Variants in HECW1 observed in about 807,000 individuals in gnomAD.
HECW1 encodes the protein E3 ubiquitin-protein ligase HECW1.
HECW1 carries 61 observed loss-of-function variants against 182.3 expected under a neutral mutation model. The observed-to-expected ratio is 0.33, with a 90% CI of 0.27 to 0.41. The LOEUF is 0.41. Ranked by LOEUF, HECW1 falls within the 10% of genes least tolerant of loss-of-function variation. HECW1 has a pLI of 1.00. For missense variants in HECW1, 1,739 were observed against 2,108.9 expected (o/e 0.82, Z 3.44); for synonymous variants, 859 against 832.6 (o/e 1.03, Z -0.55).
At chr7:43,447,061 T>C (rs1479857614) in intron 11 of HECW1, among the ~76,000 whole-genome samples, 1 of 152,168 alleles carries the variant, frequency 6.6e-6, no homozygotes, top group Admixed American at 6.5e-5. Context: ...GCAGGGATGT[T>C]GGGTTACAGA....
intron 5 of HECW1, among the ~76,000 whole-genome samples, chr7:43,324,685 TG>T (rs1400157624): frequency 6.6e-6 from 1 of 152,228 alleles, no homozygotes; most frequent in Non-Finnish European, 1.5e-5. Flanking sequence ...TTAATCTAAT[TG>T]GTAAATTATA....
chr7:43,202,230 G>T (rs1392538253), intron 2 of HECW1, among the ~76,000 whole-genome samples: 1 of 152,122 alleles, frequency 6.6e-6, no homozygotes, highest in Non-Finnish European at 1.5e-5. Flanking sequence ...ACTAGAGTCT[G>T]CACAATGCAC....
intron 16 of HECW1, among the ~76,000 whole-genome samples, chr7:43,471,865 AC>A (rs1239057614): frequency 2.6e-5 from 4 of 152,228 alleles, no homozygotes; most frequent in African/African-American, 9.7e-5. Flanking sequence ...TCTTGGTCTG[AC>A]AAAAAGCATG....
At chr7:43,486,488 A>G (rs976461635) in intron 17 of HECW1, among the ~76,000 whole-genome samples, 1 of 152,148 alleles carries the variant, frequency 6.6e-6, no homozygotes, top group African/African-American at 2.4e-5. Context: ...TCTTTAGTAG[A>G]GACGGGGTTT....
At chr7:43,189,643 A>G (rs1583884985) in intron 2 of HECW1, among the ~76,000 whole-genome samples, 1 of 152,194 alleles carries the variant, frequency 6.6e-6, no homozygotes, top group Non-Finnish European at 1.5e-5. Flanking sequence ...AAATAAATAC[A>G]TGGGGTTAAA....
At chr7:43,339,973 C>A (rs1377538257) in intron 5 of HECW1, among the ~76,000 whole-genome samples, 1 of 151,772 alleles carries the variant, frequency 6.6e-6, no homozygotes, top group Non-Finnish European at 1.5e-5. Flanking sequence ...TGAGGGGAAA[C>A]CAGTTGTGTA....
At chr7:43,375,343 T>C (rs2152822886) in intron 6 of HECW1, among the ~76,000 whole-genome samples, 1 of 152,196 alleles carries the variant, frequency 6.6e-6, no homozygotes, top group African/African-American at 2.4e-5. Context: ...GATATGTGAC[T>C]ATGCCAAATA....
chr7:43,503,932 G>C (rs1262898450), intron 21 of HECW1, among the ~76,000 whole-genome samples: 1 of 152,128 alleles, frequency 6.6e-6, no homozygotes, highest in East Asian at 1.9e-4. Flanking sequence ...CCAAAACCTG[G>C]TATTCCACCA....
intron 6 of HECW1, 94 bp downstream of exon 6, chr7:43,361,074 G>T: frequency 1.4e-6 from 1 of 724,368 alleles, no homozygotes; most frequent in Non-Finnish European, 2.4e-6. Flanking sequence ...GTGTGTGTGT[G>T]TGTGTGTGTG....
chr7:43,492,849 C>T lies in HECW1; in HGVS notation c.3341-235C>T, dbSNP rs148790706. Among the ~76,000 whole-genome samples, 1,089 of 152,300 alleles carry T rather than the reference C, an allele frequency of 7.2e-3. 13 individuals carry two copies. The highest frequency in any genetic ancestry group is 0.024 in the African/African-American group (995 of 41,556). On this transcript the variant is annotated intron_variant, in intron 18 of 29. Coordinates refer to ENST00000395891, the MANE Select transcript of HECW1 (RefSeq NM_015052.5). ...TTAATACCCAGTAAAGATCCTGAAA[C>T]GTTAAGGACGATTAACAGAGATCTG...
At chr7:43,390,592 A>C (rs1355389661) in intron 6 of HECW1, among the ~76,000 whole-genome samples, 2 of 152,000 alleles carry the variant, frequency 1.3e-5, no homozygotes, top group Non-Finnish European at 2.9e-5. Flanking sequence ...TATGAACAAA[A>C]TATGAGCAAA....
intron 24 of HECW1, among the ~76,000 whole-genome samples, chr7:43,519,480 A>G (rs1281249554): frequency 6.6e-6 from 1 of 152,118 alleles, no homozygotes; most frequent in African/African-American, 2.4e-5. Flanking sequence ...TCCTGACTTC[A>G]TGATTGGCCC....
intron 2 of HECW1, among the ~76,000 whole-genome samples, chr7:43,233,627 T>C (rs1183492178): frequency 2.0e-5 from 3 of 152,186 alleles, no homozygotes; most frequent in Non-Finnish European, 2.9e-5. Context: ...TTGTGGAAGC[T>C]AGAAATAGGG....
chr7:43,133,473 C>G (rs1052417247), intron 2 of HECW1, among the ~76,000 whole-genome samples: 1 of 151,702 alleles, frequency 6.6e-6, no homozygotes, highest in African/African-American at 2.4e-5. Flanking sequence ...GTTTTTATTT[C>G]TAGTTGAGAC....
At chr7:43,198,304 C>T (rs928290579) in intron 2 of HECW1, among the ~76,000 whole-genome samples, 6 of 149,304 alleles carry the variant, frequency 4.0e-5, no homozygotes, top group African/African-American at 1.2e-4. Context: ...TTCGCACACT[C>T]ACCCTACACT....
intron 2 of HECW1, among the ~76,000 whole-genome samples, chr7:43,238,708 C>A (rs1454680720): frequency 6.6e-6 from 1 of 152,152 alleles, no homozygotes; most frequent in African/African-American, 2.4e-5. Context: ...AAATAAATAT[C>A]TTTAAAAAGG....
At chr7:43,166,529 A>G (rs979392159) in intron 2 of HECW1, among the ~76,000 whole-genome samples, 1 of 152,196 alleles carries the variant, frequency 6.6e-6, no homozygotes, top group Admixed American at 6.5e-5. Flanking sequence ...GCCAACTCTT[A>G]TTATTACTGA....
chr7:43,398,133 T>G (rs1210307610), intron 7 of HECW1, among the ~76,000 whole-genome samples: 1 of 152,138 alleles, frequency 6.6e-6, no homozygotes, highest in Non-Finnish European at 1.5e-5. Flanking sequence ...GGCGGGCTCC[T>G]GTAGTCCCAG....
chr7:43,520,620 ATT>A (rs11453963), intron 24 of HECW1, among the ~76,000 whole-genome samples: 1 of 151,500 alleles, frequency 6.6e-6, no homozygotes. Flanking sequence ...CTCTTGAATT[ATT>A]TTTTTATTAT....
Sources: gnomAD v4.1 joint callset for allele counts (sites outside exome capture counted in the v4.1 genomes callset) on GRCh38, gnomAD v4.1.1 for gene constraint, MANE v1.5 for transcripts, NCBI Gene and HGNC (gene_info 2026-07-23, HGNC 2026-07-21) for gene names.